The following ARMC5 variants were observed in gnomAD, a reference collection of about 807,000 sequenced individuals.
The protein encoded by ARMC5 is armadillo repeat-containing protein 5.
Under a neutral mutation model 60.5 loss-of-function variants are expected in ARMC5, and 28 were observed. The observed-to-expected ratio is 0.46, with a 90% confidence interval of 0.34 to 0.63. The LOEUF is 0.63. Among genes scored for constraint, ARMC5 ranks in the 30% least tolerant of loss-of-function variants. The pLI is 0.01. For missense variants in ARMC5, 1,189 were observed against 1,304.9 expected (o/e 0.91, Z 1.37); for synonymous variants, 680 against 607.3 (o/e 1.12, Z -1.76).
rs763317033 is a variant in ARMC5, at chr16:31,459,875, T to C, written c.351T>C (p.Ser117=). ...SGPAPSAVSS[S]SPTPPVRLRK... ...CCGCCCCCTCCGCTGTGTCGTCGTC[T>C]AGTCCTACGCCGCCAGTGCGCCTGC... The change falls in exon 1 of 6, where the codon TCT becomes TCC. Residue 117 remains serine (S), a synonymous_variant. Coordinates refer to ENST00000268314, the MANE Select transcript of ARMC5 (RefSeq NM_001105247.2). 2.5e-6 allele frequency: 4 copies of C among 1,604,524 alleles called. No individual in the cohort carries two copies. The highest frequency in any genetic ancestry group is 2.7e-5 in the African/African-American group (2 of 74,900).
Position 31,459,843 on chromosome 16 carries a change from T to TCGGGCC in ARMC5, c.321_326dup (p.Gly108_Pro109dup). On this transcript the variant is annotated inframe_insertion, in exon 1 of 6. Transcript: ENST00000268314. ...GGGAGCTTCTAGCCCCGCCCCCGCG[T>TCGGGCC]CGGGCCCCGCCCCCTCCGCTGTGTC... 6.3e-7 allele frequency: 1 copy of TCGGGCC among 1,576,836 alleles called. No individual in the cohort carries two copies. Among genetic ancestry groups the TCGGGCC allele is most frequent in the South Asian group, 1.1e-5 (1 of 88,820 alleles).
Position 31,464,497 on chromosome 16 carries a change from GC to G in ARMC5, c.1478del (p.Pro493ArgfsTer51). The G allele has an allele frequency of 6.2e-7, 1 of 1,607,766 alleles. No individual in the cohort carries two copies. On this transcript the variant is annotated frameshift_variant, in exon 4 of 6. Transcript: ENST00000268314. LOFTEE classifies it high-confidence loss of function. The surrounding 1 kb of genome is among the most constrained non-coding windows in gnomAD (Gnocchi z 7.6). ...PPEPMEPASP[A>X]PTPTSLRAPR... ...GGAGCCCATGGAGCCGGCCAGCCCC[GC>G]CCCGACCCCGACCTCGCTGCGGGCA...
At position 31,459,524 on chromosome 16, in the gene ARMC5, G is replaced by T; in HGVS notation, c.-1G>T. The T allele has an allele frequency of 6.2e-7, 1 of 1,601,894 alleles. No individual in the cohort carries two copies. Among genetic ancestry groups the T allele is most frequent in the Non-Finnish European group, 8.5e-7 (1 of 1,177,202 alleles). Reference sequence around the variant, plus strand: ...GGGCGGAGTCTGAGGCCCGAGCCAAGATGGCGGCTGCGAAGCCAACCCTCA... The same window carrying T: ...GGGCGGAGTCTGAGGCCCGAGCCAATATGGCGGCTGCGAAGCCAACCCTCA... On this transcript the variant is annotated 5_prime_UTR_variant, in exon 1 of 6. Coordinates refer to ENST00000268314, the MANE Select transcript of ARMC5 (RefSeq NM_001105247.2).
At chr16:31,458,582 A>G, upstream of ARMC5, 1 of 1,479,994 alleles carries the variant, frequency 6.8e-7, no homozygotes, top group South Asian at 1.2e-5. Context: ...CATTTCCGGC[A>G]CTCGCAGGTT....
chr16:31,459,355 C>T (rs2082277046), upstream of ARMC5: 2 of 1,535,948 alleles, frequency 1.3e-6, no homozygotes, highest in South Asian at 1.2e-5. Context: ...TGCCGCGCCT[C>T]GTGTGCAAGG....
chr16:31,465,264 G>A, intron 4 of ARMC5: 8 of 1,522,930 alleles, frequency 5.3e-6, no homozygotes, highest in African/African-American at 2.8e-5. Context: ...AGCACTGCCA[G>A]GGACTGCCCT....
intron 1 of ARMC5, among the ~76,000 whole-genome samples, 169 bp from the exon 2 acceptor site, chr16:31,461,753 C>T (rs1056981712): frequency 9.2e-5 from 14 of 152,166 alleles, no homozygotes; most frequent in Non-Finnish European, 1.3e-4. Flanking sequence ...AGTGACCCAC[C>T]CACCTTGGTC....
intron 1 of ARMC5, among the ~76,000 whole-genome samples, chr16:31,460,943 CATCTT>C (rs1489496498): frequency 1.3e-5 from 2 of 152,172 alleles, no homozygotes; most frequent in Admixed American, 1.3e-4. Flanking sequence ...GTTTTGATGA[CATCTT>C]AACTTTTCGG....
At chr16:31,461,789 T>C in intron 1 of ARMC5, 133 bp from the exon 2 acceptor site, 2 of 749,906 alleles carry the variant, frequency 2.7e-6, no homozygotes, top group East Asian at 5.5e-5. Context: ...ATTACAGGCT[T>C]GAGCCACGGT....
Position 31,462,556 on chromosome 16 carries a change from C to G in ARMC5, c.1009C>G (p.Pro337Ala). 1 of 1,611,394 alleles carries G rather than the reference C, an allele frequency of 6.2e-7. No homozygotes were observed. The highest frequency in any genetic ancestry group is 1.1e-5 in the South Asian group (1 of 91,060). Residue 337 changes from proline to alanine, a missense_variant, in exon 3 of 6, where the codon CCT becomes GCT. Transcript: ENST00000268314. The surrounding 1 kb of genome is among the most constrained non-coding windows in gnomAD (Gnocchi z 7.2). Reference protein sequence around the residue: ...LVDELRQRRDPNGASPTSQQP... With the variant: ...LVDELRQRRDANGASPTSQQP... ...AGATGAGCTCCGGCAGCGCCGGGATCCTAATGGAGCTAGCCCAACCTCCCA... is the reference window on the plus strand; with the variant it reads ...AGATGAGCTCCGGCAGCGCCGGGATGCTAATGGAGCTAGCCCAACCTCCCA...
At chr16:31,458,579 G>T, upstream of ARMC5, 1 of 1,481,062 alleles carries the variant, frequency 6.8e-7, no homozygotes. Flanking sequence ...CCACATTTCC[G>T]GCACTCGCAG....
At chr16:31,461,898 C>T (rs763014375) in intron 1 of ARMC5, 24 bp from the exon 2 acceptor site, 29 of 1,604,768 alleles carry the variant, frequency 1.8e-5, no homozygotes, top group Non-Finnish European at 2.5e-5. Flanking sequence ...GTAGAACCCT[C>T]ACAAGCCCAA....
upstream of ARMC5, chr16:31,458,633 C>A: frequency 6.9e-7 from 1 of 1,441,544 alleles, no homozygotes; most frequent in Non-Finnish European, 9.2e-7. Context: ...AGGCTTCTTC[C>A]TCCCCAGGGC....
upstream of ARMC5, chr16:31,458,679 C>T (rs931926874): frequency 1.5e-5 from 22 of 1,453,154 alleles, no homozygotes; most frequent in Non-Finnish European, 2.0e-5. Flanking sequence ...GCAGCTGCCC[C>T]GACCACACCA....
rs766359589 is a variant in ARMC5, at chr16:31,461,906, C to T, written c.476-16C>T. 2 of 1,611,298 alleles carry T rather than the reference C, an allele frequency of 1.2e-6. No homozygotes were observed. Among genetic ancestry groups the T allele is most frequent in the South Asian group, 1.1e-5 (1 of 91,026 alleles). On this transcript the variant is annotated splice_polypyrimidine_tract_variant and intron_variant, in intron 1 of 5. Coordinates refer to ENST00000268314, the MANE Select transcript of ARMC5 (RefSeq NM_001105247.2). ...GTAAGGGGTAGAACCCTCACAAGCCCAAACTGTCGTTGCAGTGACCATTCT... is the reference window on the plus strand; with the variant it reads ...GTAAGGGGTAGAACCCTCACAAGCCTAAACTGTCGTTGCAGTGACCATTCT...
chr16:31,464,070 C>T lies in ARMC5; in HGVS notation c.1371-324C>T, dbSNP rs534437020. 2.6e-5 allele frequency among the ~76,000 whole-genome samples: 4 copies of T among 152,160 alleles called. No homozygotes were observed. In the East Asian group the frequency reaches 5.8e-4, roughly 22 times the overall value. ...CCTTGGGAGGCCAAGGCAGGAGGAT[C>T]GCTTGAGCACAGGAGTCCGAGACCA... On this transcript the variant is annotated intron_variant, in intron 3 of 5. Transcript: ENST00000268314. This position sits in a 1 kb window ranked among gnomAD's most constrained non-coding sequence, Gnocchi z 7.6.
At chr16:31,460,528 G>A (rs2082295423) in intron 1 of ARMC5, among the ~76,000 whole-genome samples, 1 of 152,140 alleles carries the variant, frequency 6.6e-6, no homozygotes, top group South Asian at 2.1e-4. Context: ...AATATGGCAC[G>A]AATATGCAAA....
intron 1 of ARMC5, chr16:31,460,361 G>T (rs1344728695): frequency 8.9e-6 from 2 of 224,666 alleles, no homozygotes; most frequent in Non-Finnish European, 1.8e-5. Context: ...CCGGCCCTGT[G>T]CAAGGTTCTG....
At chr16:31,460,906 C>G (rs1035950942) in intron 1 of ARMC5, among the ~76,000 whole-genome samples, 1 of 152,216 alleles carries the variant, frequency 6.6e-6, no homozygotes, top group African/African-American at 2.4e-5. Flanking sequence ...TTACATGTCA[C>G]TACCTGCCTT....
Sources: allele counts gnomAD v4.1 joint callset (sites outside exome capture counted in the v4.1 genomes callset), GRCh38; gene constraint gnomAD v4.1.1; non-coding constraint Gnocchi (gnomAD v3.1); transcripts MANE v1.5; gene names NCBI Gene and HGNC (gene_info 2026-07-23, HGNC 2026-07-21).